Variants in SOX5 observed in about 807,000 individuals in gnomAD.
SOX5 encodes SRY-box transcription factor 5.
Under a neutral mutation model 92.0 loss-of-function variants are expected in SOX5, and 9 were observed. The observed-to-expected ratio is 0.10, with a 90% CI of 0.06 to 0.17. The LOEUF is 0.17. SOX5 is among the 10% of genes least tolerant of loss of function. SOX5 has a pLI of 1.00. For missense variants in SOX5, 642 were observed against 944.5 expected (o/e 0.68, Z 4.20); for synonymous variants, 344 against 336.3 (o/e 1.02, Z -0.25).
At chr12:23,640,345 T>C (rs2079884951) in intron 8 of SOX5, among the ~76,000 whole-genome samples, 1 of 152,162 alleles carries the variant, frequency 6.6e-6, no homozygotes, top group Admixed American at 6.5e-5. Context: ...TGGTCTACTT[T>C]TCCTTGCTTG....
At chr12:24,170,478 C>G (rs1301797638) in intron 4 of SOX5, among the ~76,000 whole-genome samples, 1 of 152,286 alleles carries the variant, frequency 6.6e-6, no homozygotes, top group East Asian at 1.9e-4. Flanking sequence ...CAGACATACA[C>G]AGAACCAGGA....
chr12:24,093,392 G>A (rs560321873), intron 4 of SOX5, among the ~76,000 whole-genome samples: 2 of 151,902 alleles, frequency 1.3e-5, no homozygotes, highest in African/African-American at 2.4e-5. Context: ...GCGTGGTGGC[G>A]GGCGCCTGTA....
intron 3 of SOX5, among the ~76,000 whole-genome samples, chr12:24,220,949 T>C (rs1315967716): frequency 6.6e-6 from 1 of 152,204 alleles, no homozygotes; most frequent in Non-Finnish European, 1.5e-5. Flanking sequence ...AGACACCTTA[T>C]CTACACTGGT....
intron 4 of SOX5, among the ~76,000 whole-genome samples, chr12:24,076,661 A>G (rs978680948): frequency 3.3e-5 from 5 of 150,528 alleles, no homozygotes; most frequent in African/African-American, 9.8e-5. Context: ...ATAGATAAAT[A>G]GGACCAATGT....
At chr12:24,010,826 C>T (rs1952831325) in intron 4 of SOX5, among the ~76,000 whole-genome samples, 2 of 151,840 alleles carry the variant, frequency 1.3e-5, no homozygotes, top group Admixed American at 1.3e-4. Context: ...GTAGTCCCAG[C>T]TATTCAAGAG....
At chr12:23,976,423 AAGAAG>A (rs1948919299) in intron 4 of SOX5, among the ~76,000 whole-genome samples, 1 of 148,536 alleles carries the variant, frequency 6.7e-6, no homozygotes, top group Non-Finnish European at 1.5e-5. Context: ...AAAAAAAAAA[AAGAAG>A]AGAAGGAAGG....
rs139988784 is a variant in SOX5, at chr12:23,868,001, T to C, written c.271-21808A>G. ...GACAAAAATCATAACTACCTTTTAA[T>C]TTCCTTCATTTCTTCCTTCCTCCCT... On this transcript the variant is annotated intron_variant, in intron 2 of 14. Coordinates refer to ENST00000451604, the MANE Select transcript of SOX5 (RefSeq NM_006940.6). Among the ~76,000 whole-genome samples, 831 of 151,888 alleles carry C rather than the reference T, an allele frequency of 5.5e-3. 4 individuals are homozygous for C. The highest frequency in any genetic ancestry group is 8.6e-3 in the Non-Finnish European group (581 of 67,820).
chr12:23,766,189 A>G (rs1022068046), intron 3 of SOX5, among the ~76,000 whole-genome samples: 1 of 152,202 alleles, frequency 6.6e-6, no homozygotes, highest in Non-Finnish European at 1.5e-5. Context: ...AACCTGCTAT[A>G]AAAATTTCTA....
At chr12:24,037,498 T>G (rs951458871) in intron 4 of SOX5, among the ~76,000 whole-genome samples, 3 of 152,170 alleles carry the variant, frequency 2.0e-5, no homozygotes, top group Admixed American at 6.5e-5. Context: ...AAAAGCCACC[T>G]GCCCATATGG....
At chr12:23,751,734 G>C (rs536595068) in intron 4 of SOX5, among the ~76,000 whole-genome samples, 8 of 151,966 alleles carry the variant, frequency 5.3e-5, no homozygotes, top group African/African-American at 1.9e-4. Context: ...AGTTCTAGAA[G>C]TGTTTGGTGT....
intron 4 of SOX5, among the ~76,000 whole-genome samples, chr12:24,171,272 G>A (rs1954117720): frequency 7.3e-6 from 1 of 136,702 alleles, no homozygotes. Context: ...CACCCAGGCT[G>A]GAGTGCAGTG....
chr12:24,030,701 T>C (rs1172869556), intron 4 of SOX5, among the ~76,000 whole-genome samples: 5 of 151,722 alleles, frequency 3.3e-5, no homozygotes, highest in Admixed American at 6.6e-5. Flanking sequence ...TGGGATTATA[T>C]CAAACTAAAA....
At chr12:24,181,464 T>C (rs954223903) in intron 4 of SOX5, among the ~76,000 whole-genome samples, 2 of 152,212 alleles carry the variant, frequency 1.3e-5, no homozygotes, top group African/African-American at 4.8e-5. Flanking sequence ...GAAATAGCCA[T>C]AGATTCTCTT....
At chr12:23,906,977 T>C (rs1385289487) in intron 1 of SOX5, among the ~76,000 whole-genome samples, 1 of 152,032 alleles carries the variant, frequency 6.6e-6, no homozygotes, top group African/African-American at 2.4e-5. Flanking sequence ...TGCTTACCCA[T>C]TCTCAATATC....
intron 1 of SOX5, among the ~76,000 whole-genome samples, chr12:23,937,616 A>T (rs907223881): frequency 4.0e-5 from 6 of 150,952 alleles, no homozygotes; most frequent in Non-Finnish European, 7.4e-5. Flanking sequence ...TCTCATAACC[A>T]TCTGGGGTTC....
At chr12:23,861,993 G>A (rs1157680694) in intron 2 of SOX5, among the ~76,000 whole-genome samples, 1 of 151,878 alleles carries the variant, frequency 6.6e-6, no homozygotes, top group Admixed American at 6.6e-5. Flanking sequence ...TACATTTTTG[G>A]GTTTTCTATT....
chr12:23,716,210 A>G (rs2092483088), intron 6 of SOX5, among the ~76,000 whole-genome samples: 1 of 152,212 alleles, frequency 6.6e-6, no homozygotes, highest in African/African-American at 2.4e-5. Flanking sequence ...CCAAAATTCA[A>G]TTTGACTAAG....
intron 1 of SOX5, among the ~76,000 whole-genome samples, chr12:24,504,268 C>A (rs1441416002): frequency 6.6e-6 from 1 of 152,150 alleles, no homozygotes; most frequent in South Asian, 2.1e-4. Context: ...TCCATTTGTG[C>A]CTATTCTTAC....
chr12:24,096,563 T>G (rs1472633921), intron 4 of SOX5, among the ~76,000 whole-genome samples: 1 of 152,226 alleles, frequency 6.6e-6, no homozygotes, highest in Non-Finnish European at 1.5e-5. Flanking sequence ...ATTTGTACTT[T>G]TATGATTGGT....
Sources: gnomAD v4.1 joint callset for allele counts (sites outside exome capture counted in the v4.1 genomes callset) on GRCh38, gnomAD v4.1.1 for gene constraint, MANE v1.5 for transcripts, NCBI Gene and HGNC (gene_info 2026-07-23, HGNC 2026-07-21) for gene names.